Variants in ITGA8 observed in about 807,000 individuals in gnomAD.
ITGA8 encodes integrin subunit alpha 8.
ITGA8 carries 91 observed loss-of-function variants against 142.3 expected under a neutral mutation model. That is an observed-to-expected ratio of 0.64 (90% confidence interval 0.54 to 0.76). The LOEUF is 0.76. Ranked by LOEUF, ITGA8 falls within the 30% of genes least tolerant of loss-of-function variation. ITGA8 has a pLI of 0.00. For missense variants in ITGA8, 1,406 were observed against 1,327.7 expected, an observed-to-expected ratio of 1.06 and a Z score of -0.92; for synonymous variants, 505 against 485.2, an observed-to-expected ratio of 1.04 and a Z score of -0.54.
chr10:15,641,911 C>T (rs948447886), intron 13 of ITGA8, among the ~76,000 whole-genome samples: 4 of 152,192 alleles, frequency 2.6e-5, no homozygotes, highest in East Asian at 3.9e-4. Context: ...GGGCAGATCA[C>T]GAGGTCAAGA....
rs114017982 is a variant in ITGA8, at chr10:15,527,662, C to T, written c.2982+3388G>A. ...CAAGCAGCAAACGGGAATTGTGATT[C>T]TCTTCCATAAGTAAAGCTAATACGG... On this transcript the variant is annotated intron_variant, in intron 28 of 29. Coordinates refer to ENST00000378076, the MANE Select transcript of ITGA8 (RefSeq NM_003638.3). Among the ~76,000 whole-genome samples, 863 of 152,222 alleles carry T rather than the reference C, an allele frequency of 5.7e-3. 6 individuals carry two copies. Among genetic ancestry groups the T allele is most frequent in the African/African-American group, 0.02 (835 of 41,530 alleles).
chr10:15,605,441 G>A (rs1017305663), intron 19 of ITGA8, among the ~76,000 whole-genome samples: 6 of 151,844 alleles, frequency 4.0e-5, no homozygotes, highest in African/African-American at 1.5e-4. Context: ...AACATAACCC[G>A]AGCCACCCCA....
chr10:15,540,187 A>C (rs991744001), intron 27 of ITGA8, among the ~76,000 whole-genome samples: 1 of 152,112 alleles, frequency 6.6e-6, no homozygotes, highest in African/African-American at 2.4e-5. Context: ...ATAGACAATA[A>C]ATTATTGTTA....
chr10:15,658,936 G>A (rs1397453526), intron 10 of ITGA8, 63 bp downstream of exon 10: 4 of 1,067,128 alleles, frequency 3.7e-6, no homozygotes, highest in Non-Finnish European at 4.3e-6. Flanking sequence ...TAACTGATAT[G>A]AATATTATAG....
intron 2 of ITGA8, among the ~76,000 whole-genome samples, chr10:15,694,340 C>A (rs1336652388): frequency 9.6e-4 from 8 of 8,308 alleles, no homozygotes; most frequent in African/African-American, 1.3e-3. Flanking sequence ...TATCATATAT[C>A]AGATAATATA....
intron 29 of ITGA8, 67 bp from the exon 30 acceptor site, chr10:15,517,311 G>T (rs181687119): frequency 1.2e-5 from 13 of 1,054,358 alleles, no homozygotes; most frequent in Admixed American, 2.3e-5. Context: ...CTCATTCAAA[G>T]AATTTTCACT....
chr10:15,679,489 G>A (rs1422865043), intron 4 of ITGA8, among the ~76,000 whole-genome samples: 1 of 152,176 alleles, frequency 6.6e-6, no homozygotes, highest in African/African-American at 2.4e-5. Context: ...GGCTGAGGCA[G>A]GAGAATCTCT....
At chr10:15,593,329 C>T (rs1468022207) in intron 21 of ITGA8, among the ~76,000 whole-genome samples, 1 of 152,138 alleles carries the variant, frequency 6.6e-6, no homozygotes, top group Non-Finnish European at 1.5e-5. Context: ...TATTATGTTA[C>T]TTACTCTTCC....
rs144727349 is a variant in ITGA8, at chr10:15,623,658, C to T, written c.1400-7099G>A. On this transcript the variant is annotated intron_variant, in intron 13 of 29. Coordinates refer to ENST00000378076, the MANE Select transcript of ITGA8 (RefSeq NM_003638.3). ...CCGAGACTGCAGCACTGCACTCCAG[C>T]CAGGGTGGCAGAGTGAGACTCCATC... Among the ~76,000 whole-genome samples, 1,451 of 152,146 alleles carry T rather than the reference C, an allele frequency of 9.5e-3. 33 individuals carry two copies. The highest frequency in any genetic ancestry group is 0.033 in the African/African-American group (1,386 of 41,484).
intron 27 of ITGA8, among the ~76,000 whole-genome samples, chr10:15,533,287 C>T (rs560991987): frequency 6.6e-6 from 1 of 152,314 alleles, no homozygotes; most frequent in African/African-American, 2.4e-5. Flanking sequence ...TCTTTCTACT[C>T]CTACCCTCCA....
intron 2 of ITGA8, among the ~76,000 whole-genome samples, chr10:15,706,140 C>T (rs1259611364): frequency 1.3e-5 from 2 of 152,156 alleles, no homozygotes; most frequent in East Asian, 1.9e-4. Context: ...CATATCTGGA[C>T]TCAACCCTGG....
rs9333199 is a variant in ITGA8, at chr10:15,574,020, C to CTA, written c.2478+1467_2478+1468dup. Among the ~76,000 whole-genome samples, 583 of 152,220 alleles carry CTA rather than the reference C, an allele frequency of 3.8e-3. 7 individuals are homozygous for CTA. Among genetic ancestry groups the CTA allele is most frequent in the African/African-American group, 0.013 (553 of 41,536 alleles). On this transcript the variant is annotated intron_variant, in intron 24 of 29. Coordinates refer to ENST00000378076, the MANE Select transcript of ITGA8 (RefSeq NM_003638.3). ...TTTTATTTTTAGAGATTGGCCCTTG[C>CTA]TATGTTGGCCAGGCTGGTCTTGAGC...
At chr10:15,701,666 G>T (rs1283911551) in intron 2 of ITGA8, among the ~76,000 whole-genome samples, 1 of 152,174 alleles carries the variant, frequency 6.6e-6, no homozygotes, top group Non-Finnish European at 1.5e-5. Flanking sequence ...AACTCACACA[G>T]GTGTGACCAA....
rs766833710 is a variant in ITGA8 at position 15,514,936 on chromosome 10, G to A, written c.*2222C>T. 1.3e-5 allele frequency: 2 copies of A among 152,200 alleles called. No individual in the cohort carries two copies. Among genetic ancestry groups the A allele is most frequent in the African/African-American group, 4.8e-5 (2 of 41,420 alleles). 9.4% of individuals were successfully genotyped at this position (152,200 alleles called of 1,614,324 possible). On this transcript the variant is annotated 3_prime_UTR_variant, in exon 30 of 30. Coordinates refer to ENST00000378076, the MANE Select transcript of ITGA8 (RefSeq NM_003638.3). The stretch of plus-strand genomic sequence containing the variant: ...TCCTGGCATCTCTAGTTCCTTCCAG[G>A]TATCTGCATAAACTATCTCAACAGG...
At chr10:15,669,348 G>A (rs182560946) in intron 8 of ITGA8, among the ~76,000 whole-genome samples, 36 of 152,278 alleles carry the variant, frequency 2.4e-4, no homozygotes, top group Non-Finnish European at 4.3e-4. Flanking sequence ...CGTGGCTCTC[G>A]TGCCTTGGTT....
At chr10:15,539,456 C>G (rs1177471055) in intron 27 of ITGA8, among the ~76,000 whole-genome samples, 2 of 152,136 alleles carry the variant, frequency 1.3e-5, no homozygotes, top group African/African-American at 4.8e-5. Context: ...TTGACACTAT[C>G]TCCCCTTTGG....
At chr10:15,608,406 CA>C in intron 15 of ITGA8, 116 bp from the exon 16 acceptor site, 1 of 368,070 alleles carries the variant, frequency 2.7e-6, no homozygotes, top group Non-Finnish European at 5.0e-6. Flanking sequence ...TCTAATTACA[CA>C]CACACACACA....
At chr10:15,703,132 T>G (rs1835196330) in intron 2 of ITGA8, among the ~76,000 whole-genome samples, 1 of 152,212 alleles carries the variant, frequency 6.6e-6, no homozygotes, top group Admixed American at 6.5e-5. Flanking sequence ...AATGCATGCT[T>G]TTAGAGTTTT....
At chr10:15,687,114 T>G (rs1160688784) in intron 3 of ITGA8, among the ~76,000 whole-genome samples, 1 of 152,234 alleles carries the variant, frequency 6.6e-6, no homozygotes, top group East Asian at 1.9e-4. Context: ...TGGAGAGGGC[T>G]GTATACTCTT....
Sources: allele counts gnomAD v4.1 joint callset (sites outside exome capture counted in the v4.1 genomes callset), GRCh38; gene constraint gnomAD v4.1.1; transcripts MANE v1.5; gene names NCBI Gene and HGNC (gene_info 2026-07-23, HGNC 2026-07-21).